PLXNA4: variants seen among roughly 807,000 people sequenced by gnomAD.
PLXNA4 encodes the protein plexin-A4.
In PLXNA4, 44 loss-of-function variants were observed where a neutral mutation model predicts 191.8. That is an observed-to-expected ratio of 0.23 (90% CI 0.18 to 0.29). PLXNA4 has a LOEUF of 0.29. Among genes scored for constraint, PLXNA4 ranks in the 10% least tolerant of loss-of-function variants. The pLI is 1.00. For synonymous variants in PLXNA4, 1,082 were observed against 1,009.5 expected, an observed-to-expected ratio of 1.07 and a Z score of -1.36; for missense variants, 1,800 against 2,488.8, an observed-to-expected ratio of 0.72 and a Z score of 5.89.
rs139136042 is a variant in PLXNA4 at position 132,493,377 on chromosome 7, A to T, written c.1189-3903T>A. 7.0e-3 allele frequency among the ~76,000 whole-genome samples: 1,072 copies of T among 152,220 alleles called. 8 individuals are homozygous for T. Among genetic ancestry groups the T allele is most frequent in the African/African-American group, 0.024 (999 of 41,528 alleles). The stretch of plus-strand genomic sequence containing the variant: ...GATAACCCTTGTTTATTAGAGAGCA[A>T]CTCTACTCTCACAAGGAAAGGAAAT... On this transcript the variant is annotated intron_variant, in intron 2 of 31. Coordinates refer to ENST00000321063, the MANE Select transcript of PLXNA4 (RefSeq NM_020911.2).
Position 132,576,388 on chromosome 7 carries a change from C to T in PLXNA4, c.-87+34G>A, listed in dbSNP as rs893887675. The T allele has an allele frequency of 4.1e-6, 4 of 985,714 alleles. No homozygotes were observed. In the African/African-American group the frequency reaches 7.0e-5, roughly 17 times the overall value. 61.1% of individuals were successfully genotyped at this position (985,714 alleles called of 1,614,324 possible). On this transcript the variant is annotated intron_variant, in intron 1 of 31. Coordinates refer to ENST00000321063, the MANE Select transcript of PLXNA4 (RefSeq NM_020911.2). This position sits in a 1 kb window ranked among gnomAD's most constrained non-coding sequence, Gnocchi z 5.8. ...CCGACCTTGCTGCCCTCGCCGCCCG[C>T]CCGGCCCCACTCCCCGGCGGGCCGG...
chr7:132,276,060 G>A (rs1288448015), intron 4 of PLXNA4, among the ~76,000 whole-genome samples: 1 of 152,140 alleles, frequency 6.6e-6, no homozygotes, highest in Admixed American at 6.5e-5. Flanking sequence ...TCATGTGACT[G>A]TGTTATTCCA....
At position 132,126,632 on chromosome 7, in the gene PLXNA4, C is replaced by T. The variant is rs537481577; in HGVS notation, c.*3847G>A. 6 of 152,372 alleles carry T rather than the reference C, an allele frequency of 3.9e-5. No individual in the cohort carries two copies. The highest frequency in any genetic ancestry group is 1.4e-4 in the African/African-American group (6 of 41,556). The allele number at this position is 152,372 out of a possible 1,614,324, so 9.4% of individuals were successfully genotyped here. A position where few individuals can be genotyped will look rare whatever the true frequency, so the allele number is the denominator to read the frequency against. Reference sequence around the variant, plus strand: ...GGTCAGAGACTTTTCCTGTGGGTAACTCCTGCTTCTTCCTGGGAACAGTCC... The same window carrying T: ...GGTCAGAGACTTTTCCTGTGGGTAATTCCTGCTTCTTCCTGGGAACAGTCC... On this transcript the variant is annotated 3_prime_UTR_variant, in exon 32 of 32. Coordinates refer to ENST00000321063, the MANE Select transcript of PLXNA4 (RefSeq NM_020911.2).
chr7:132,190,315 G>C (rs775918537), intron 14 of PLXNA4, among the ~76,000 whole-genome samples: 5 of 152,158 alleles, frequency 3.3e-5, no homozygotes, highest in Admixed American at 2.0e-4. Context: ...GCCAAGACTG[G>C]ACCCTTCCTG....
chr7:132,647,454 C>A (rs1289261316), intron 1 of PLXNA4, among the ~76,000 whole-genome samples: 1 of 152,100 alleles, frequency 6.6e-6, no homozygotes, highest in Non-Finnish European at 1.5e-5. Context: ...CACACACTTA[C>A]ATACACAGTC....
intron 3 of PLXNA4, among the ~76,000 whole-genome samples, chr7:132,308,452 AC>A (rs1205010116): frequency 4.6e-5 from 7 of 152,154 alleles, no homozygotes; most frequent in Non-Finnish European, 8.8e-5. Context: ...TTAATTCACC[AC>A]CTGCCATGCG....
intron 3 of PLXNA4, among the ~76,000 whole-genome samples, chr7:132,323,766 G>C (rs920708116): frequency 7.9e-5 from 12 of 152,160 alleles, no homozygotes; most frequent in African/African-American, 2.2e-4. Context: ...ATACAGATCT[G>C]TCATGTGGAG....
intron 3 of PLXNA4, among the ~76,000 whole-genome samples, chr7:132,402,039 C>G (rs1007225622): frequency 1.3e-5 from 2 of 152,090 alleles, no homozygotes; most frequent in East Asian, 3.9e-4. Flanking sequence ...AGTCGAGAGC[C>G]CAGCCAGGTG....
intron 1 of PLXNA4, among the ~76,000 whole-genome samples, chr7:132,556,307 G>T (rs1800798865): frequency 6.6e-6 from 1 of 152,166 alleles, no homozygotes; most frequent in Non-Finnish European, 1.5e-5. Flanking sequence ...GAGGTGACCC[G>T]CTATATCAGC....
intron 8 of PLXNA4, 144 bp downstream of exon 8, chr7:132,226,017 G>A (rs1198775219): frequency 4.3e-6 from 3 of 702,344 alleles, no homozygotes; most frequent in Non-Finnish European, 7.2e-6. Context: ...GTGACTCCCT[G>A]TGGGTACCAG....
At chr7:132,251,753 C>T (rs1345057255) in intron 4 of PLXNA4, among the ~76,000 whole-genome samples, 1 of 152,232 alleles carries the variant, frequency 6.6e-6, no homozygotes, top group Admixed American at 6.5e-5. Flanking sequence ...GTAGCATTTG[C>T]ACACACCTAT....
At chr7:132,507,304 C>T in intron 2 of PLXNA4, among the ~76,000 whole-genome samples, 1 of 152,182 alleles carries the variant, frequency 6.6e-6, no homozygotes, top group East Asian at 1.9e-4. Flanking sequence ...TTTCAGCTCC[C>T]ACTCTGACTC....
At position 132,415,660 on chromosome 7, in the gene PLXNA4, A is replaced by G. The variant is rs140777983; in HGVS notation, c.1371+73632T>C. On this transcript the variant is annotated intron_variant, in intron 3 of 31. Coordinates refer to ENST00000321063, the MANE Select transcript of PLXNA4 (RefSeq NM_020911.2). ...CTCTTTCTCCTCCTCACTCTCAGCT[A>G]ACCTTTATCAACACAAAGTTCCAGG... 2.2e-4 allele frequency among the ~76,000 whole-genome samples: 33 copies of G among 152,296 alleles called. No individual in the cohort carries two copies. The East Asian group carries it at 6.4e-3, about 29-fold the overall frequency.
At chr7:132,285,485 A>G (rs1055601786) in intron 4 of PLXNA4, among the ~76,000 whole-genome samples, 4 of 152,198 alleles carry the variant, frequency 2.6e-5, no homozygotes, top group Non-Finnish European at 5.9e-5. Context: ...AAACCATCGC[A>G]TACGTCTCTG....
intron 9 of PLXNA4, among the ~76,000 whole-genome samples, chr7:132,215,224 C>T (rs1276661186): frequency 6.6e-6 from 1 of 152,224 alleles, no homozygotes; most frequent in Non-Finnish European, 1.5e-5. Context: ...GTTCTGGCCA[C>T]TGCTCCCTGA....
chr7:132,163,251 T>G (rs1178636944), intron 24 of PLXNA4, among the ~76,000 whole-genome samples: 1 of 152,004 alleles, frequency 6.6e-6, no homozygotes, highest in East Asian at 1.9e-4. Flanking sequence ...GAGCAGCGAG[T>G]GGACGCACGG....
chr7:132,562,391 T>TCC (rs1801225911), intron 1 of PLXNA4, among the ~76,000 whole-genome samples: 1 of 128,832 alleles, frequency 7.8e-6, no homozygotes, highest in East Asian at 2.7e-4. Flanking sequence ...CTCCTCCTCC[T>TCC]TCTGCTGCTC....
chr7:132,190,423 C>T (rs759613629), intron 14 of PLXNA4, among the ~76,000 whole-genome samples: 10 of 152,336 alleles, frequency 6.6e-5, no homozygotes, highest in Non-Finnish European at 1.0e-4. Context: ...ACTCAGGAAA[C>T]ATCCTTTCTC....
In PLXNA4 at chr7:132,127,015, T is replaced by C. The variant is rs1794786533; in HGVS notation, c.*3464A>G. The C allele has an allele frequency of 6.8e-6, 1 of 146,944 alleles. No homozygotes were observed. Among genetic ancestry groups the C allele is most frequent in the South Asian group, 2.1e-4 (1 of 4,820 alleles). The allele number at this position is 146,944 out of a possible 1,614,324, so 9.1% of individuals were successfully genotyped here. A position where few individuals can be genotyped will look rare whatever the true frequency, so the allele number is the denominator to read the frequency against. On this transcript the variant is annotated 3_prime_UTR_variant, in exon 32 of 32. Coordinates refer to ENST00000321063, the MANE Select transcript of PLXNA4 (RefSeq NM_020911.2). Reference sequence around the variant, plus strand: ...GGACAAAGAATGGGTAAAAGCTGCATCTGGGGGGACTTGTGGCCAGGAGAA... The same window carrying C: ...GGACAAAGAATGGGTAAAAGCTGCACCTGGGGGGACTTGTGGCCAGGAGAA...
Sources: allele counts gnomAD v4.1 joint callset (sites outside exome capture counted in the v4.1 genomes callset), GRCh38; gene constraint gnomAD v4.1.1; non-coding constraint Gnocchi (gnomAD v3.1); transcripts MANE v1.5; gene names NCBI Gene and HGNC (gene_info 2026-07-23, HGNC 2026-07-21).